KDM2A: variants seen among roughly 807,000 people sequenced by gnomAD.
KDM2A encodes the protein lysine-specific demethylase 2A.
KDM2A carries 3 observed loss-of-function variants against 137.3 expected under a neutral mutation model. That is an observed-to-expected ratio of 0.02 (90% CI 0.01 to 0.06). The LOEUF (loss-of-function observed/expected upper bound fraction) is 0.06, where lower values mean the gene tolerates loss of function less well. KDM2A is among the 10% of genes least tolerant of loss of function. The pLI is 1.00. For missense variants in KDM2A, 738 were observed against 1,510.6 expected (o/e 0.49, Z 8.48); for synonymous variants, 512 against 541.5 (o/e 0.95, Z 0.76).
At chr11:67,214,032 T>A (rs916451334) in intron 6 of KDM2A, among the ~76,000 whole-genome samples, 35 of 151,918 alleles carry the variant, frequency 2.3e-4, no homozygotes, top group East Asian at 7.8e-4. Context: ...CTGGCTGTTT[T>A]TTTTATTTTA....
intron 10 of KDM2A, among the ~76,000 whole-genome samples, chr11:67,222,900 A>G (rs925688942): frequency 1.3e-4 from 17 of 129,524 alleles, no homozygotes; most frequent in East Asian, 4.1e-4. Flanking sequence ...AATAAGGGGG[A>G]AAAAAAAAAA....
chr11:67,123,115 G>T (rs552913837), intron 2 of KDM2A, among the ~76,000 whole-genome samples: 1 of 151,710 alleles, frequency 6.6e-6, no homozygotes, highest in Non-Finnish European at 1.5e-5. Flanking sequence ...GACTACAGGC[G>T]TGTGCCACCA....
intron 2 of KDM2A, among the ~76,000 whole-genome samples, chr11:67,150,056 G>T (rs1423566486): frequency 1.3e-5 from 2 of 152,172 alleles, no homozygotes; most frequent in African/African-American, 4.8e-5. Context: ...GTAAACAAAA[G>T]ATAGCAAAAT....
At chr11:67,126,874 C>G (rs1387586245) in intron 2 of KDM2A, among the ~76,000 whole-genome samples, 1 of 152,034 alleles carries the variant, frequency 6.6e-6, no homozygotes, top group African/African-American at 2.4e-5. Flanking sequence ...AGTGGAACAG[C>G]TAGGAAATGA....
At chr11:67,235,275 G>A (rs1418926475) in intron 12 of KDM2A, among the ~76,000 whole-genome samples, 1 of 151,664 alleles carries the variant, frequency 6.6e-6, no homozygotes, top group Non-Finnish European at 1.5e-5. Flanking sequence ...GTGTACATAG[G>A]TAGAATAGGG....
At position 67,119,596 on chromosome 11, in the gene KDM2A, G is replaced by T. The variant is rs561604401; in HGVS notation, c.-537G>T. On this transcript the variant is annotated 5_prime_UTR_variant, in exon 1 of 21. Coordinates refer to ENST00000529006, the MANE Select transcript of KDM2A (RefSeq NM_012308.3). The stretch of plus-strand genomic sequence containing the variant: ...GCGCCGCGCCGCTCCCGCCCTGTCC[G>T]CCCCCCGGGGCCGGGGCCCGCGTTC... 1 of 149,986 alleles carries T rather than the reference G, an allele frequency of 6.7e-6. No individual in the cohort carries two copies. Among genetic ancestry groups the T allele is most frequent in the Non-Finnish European group, 1.5e-5 (1 of 67,228 alleles). The allele number at this position is 149,986 out of a possible 1,614,324, so 9.3% of individuals were successfully genotyped here. A position where few individuals can be genotyped will look rare whatever the true frequency, so the allele number is the denominator to read the frequency against.
intron 2 of KDM2A, among the ~76,000 whole-genome samples, chr11:67,166,616 T>C (rs757953249): frequency 2.0e-5 from 3 of 152,132 alleles, no homozygotes; most frequent in Non-Finnish European, 2.9e-5. Context: ...TCCCAGTAAC[T>C]TGAGAGGCTG....
intron 16 of KDM2A, 169 bp downstream of exon 16, chr11:67,248,539 T>C (rs944047334): frequency 7.0e-6 from 4 of 572,108 alleles, no homozygotes; most frequent in African/African-American, 5.7e-5. Flanking sequence ...GTATTTTCTT[T>C]GTTAGAGTTT....
At chr11:67,170,315 C>A (rs1270646061) in intron 2 of KDM2A, among the ~76,000 whole-genome samples, 1 of 150,870 alleles carries the variant, frequency 6.6e-6, no homozygotes, top group Admixed American at 6.6e-5. Context: ...ATGTAGTGTC[C>A]CTTAACAAAT....
Position 67,207,507 on chromosome 11 carries a change from C to T in KDM2A, c.308-3C>T, listed in dbSNP as rs755265889. The T allele has an allele frequency of 5.7e-6, 9 of 1,582,484 alleles. No individual in the cohort carries two copies. Among genetic ancestry groups the T allele is most frequent in the Non-Finnish European group, 7.8e-6 (9 of 1,159,112 alleles). ...GAGATGATCGATGCATCTTTTATGGCAGGGAGTCGTCGCATGGTGGATGTC... is the reference window on the plus strand; with the variant it reads ...GAGATGATCGATGCATCTTTTATGGTAGGGAGTCGTCGCATGGTGGATGTC... On this transcript the variant is annotated splice_polypyrimidine_tract_variant and splice_region_variant and intron_variant, in intron 5 of 20. Transcript: ENST00000529006.
chr11:67,229,290 C>T (rs1387744426), intron 11 of KDM2A, among the ~76,000 whole-genome samples: 3 of 152,176 alleles, frequency 2.0e-5, no homozygotes, highest in Non-Finnish European at 4.4e-5. Flanking sequence ...CAGCTTGGTT[C>T]AGCTTCACAG....
At chr11:67,147,100 C>T (rs1856267037) in intron 2 of KDM2A, among the ~76,000 whole-genome samples, 1 of 152,036 alleles carries the variant, frequency 6.6e-6, no homozygotes, top group East Asian at 1.9e-4. Flanking sequence ...AAAGTGTCTG[C>T]CATGTAAGTC....
At position 67,127,195 on chromosome 11, in the gene KDM2A, C is replaced by G. The variant is rs11826883; in HGVS notation, c.42+5837C>G. On this transcript the variant is annotated intron_variant, in intron 2 of 20. Coordinates refer to ENST00000529006, the MANE Select transcript of KDM2A (RefSeq NM_012308.3). ...TCTTTGTAGCCTCAACCGCCTGGCT[C>G]AAGTGGTCCTCCCATCTCAGCATGT... Among the ~76,000 whole-genome samples, 1,005 of 152,240 alleles carry G rather than the reference C, an allele frequency of 6.6e-3. 12 individuals carry two copies. The highest frequency in any genetic ancestry group is 0.022 in the African/African-American group (932 of 41,538).
chr11:67,122,757 G>A (rs747134954), intron 2 of KDM2A, among the ~76,000 whole-genome samples: 2 of 150,606 alleles, frequency 1.3e-5, no homozygotes, highest in African/African-American at 2.4e-5. Flanking sequence ...CTCACTGCAC[G>A]CTCCGCCTCC....
At chr11:67,150,656 A>G (rs1359400773) in intron 2 of KDM2A, among the ~76,000 whole-genome samples, 2 of 152,136 alleles carry the variant, frequency 1.3e-5, no homozygotes, top group Non-Finnish European at 2.9e-5. Context: ...GAGTTGGAGG[A>G]TATGTCAGAC....
chr11:67,179,216 T>C (rs1201904645), intron 2 of KDM2A, among the ~76,000 whole-genome samples: 1 of 152,230 alleles, frequency 6.6e-6, no homozygotes, highest in African/African-American at 2.4e-5. Context: ...AGACATGTTA[T>C]CTTTAAAACT....
At position 67,245,479 on chromosome 11, in the gene KDM2A, A is replaced by T; in HGVS notation, c.1833+21A>T. ...TGGCAGTGAGTGATCTGCTGGGTAAAGAATTTTGGGGAGGGGTGGCAGTGC... is the reference window on the plus strand; with the variant it reads ...TGGCAGTGAGTGATCTGCTGGGTAATGAATTTTGGGGAGGGGTGGCAGTGC... On this transcript the variant is annotated intron_variant, in intron 14 of 20. Transcript: ENST00000529006. The surrounding 1 kb of genome is among the most constrained non-coding windows in gnomAD (Gnocchi z 4.1). The T allele has an allele frequency of 1.2e-6, 2 of 1,610,020 alleles. No individual in the cohort carries two copies. Among genetic ancestry groups the T allele is most frequent in the South Asian group, 2.2e-5 (2 of 90,978 alleles).
chr11:67,169,846 C>T (rs1460278543), intron 2 of KDM2A, among the ~76,000 whole-genome samples: 1 of 148,212 alleles, frequency 6.7e-6, no homozygotes, highest in Non-Finnish European at 1.5e-5. Flanking sequence ...CAACCTCTGC[C>T]TCCTGGATTT....
chr11:67,137,235 G>C (rs1464707224), intron 2 of KDM2A, among the ~76,000 whole-genome samples: 1 of 152,204 alleles, frequency 6.6e-6, no homozygotes, highest in African/African-American at 2.4e-5. Flanking sequence ...TCTTGACAAG[G>C]TAGACAGGTC....
Sources: allele counts gnomAD v4.1 joint callset (sites outside exome capture counted in the v4.1 genomes callset), GRCh38; gene constraint gnomAD v4.1.1; non-coding constraint Gnocchi (gnomAD v3.1); transcripts MANE v1.5; gene names NCBI Gene and HGNC (gene_info 2026-07-23, HGNC 2026-07-21).